Variants in ANKRD26 observed in about 807,000 individuals in gnomAD.
ANKRD26 encodes the protein ankyrin repeat domain-containing protein 26.
ANKRD26 carries 141 observed loss-of-function variants against 208.7 expected under a neutral mutation model. The ratio of observed to expected loss-of-function variants is 0.68; its 90% CI spans 0.59 to 0.78. The LOEUF is 0.78. ANKRD26 is among the 30% of genes least tolerant of loss of function. The probability of loss-of-function intolerance (pLI) is 0.00; values close to 1 mark genes in which losing one functional copy is unlikely to be tolerated. For missense variants in ANKRD26, 1,889 were observed against 1,938.7 expected, an observed-to-expected ratio of 0.97 and a Z score of 0.48; for synonymous variants, 636 against 660.4, an observed-to-expected ratio of 0.96 and a Z score of 0.57.
intron 9 of ANKRD26, among the ~76,000 whole-genome samples, chr10:27,072,665 C>A (rs1341852855): frequency 1.3e-5 from 2 of 152,176 alleles, no homozygotes; most frequent in African/African-American, 2.4e-5. Context: ...TAAAACTCAA[C>A]AAGCACAGCC....
chr10:27,062,790 C>T (rs369477982), intron 12 of ANKRD26, among the ~76,000 whole-genome samples: 260 of 144,880 alleles, frequency 1.8e-3, no homozygotes, highest in African/African-American at 6.6e-3. Context: ...TTTTTTGAGA[C>T]AGAATCTTGC....
intron 12 of ANKRD26, among the ~76,000 whole-genome samples, chr10:27,063,151 T>C (rs1344740945): frequency 2.0e-5 from 3 of 152,178 alleles, no homozygotes; most frequent in Admixed American, 2.0e-4. Flanking sequence ...GTGCCATAGA[T>C]GGTCCAGTAC....
chr10:26,955,483 A>T, the ANKRD26 span, among the ~76,000 whole-genome samples: 2 of 152,068 alleles, frequency 1.3e-5, no homozygotes, highest in Non-Finnish European at 2.9e-5. Flanking sequence ...ATATGTGTAT[A>T]TATGTGTGTG....
intron 3 of ANKRD26, among the ~76,000 whole-genome samples, chr10:26,985,899 G>C (rs1446742379): frequency 6.6e-6 from 1 of 152,130 alleles, no homozygotes; most frequent in African/African-American, 2.4e-5. Context: ...AGCTACCAAT[G>C]ACTTTCTTCA....
rs959270997 is a variant in ANKRD26 at position 27,022,435 on chromosome 10, TTATTAGTATCAA to T, written c.4215+111_4215+122del. ...ACTTAAAAGTTTAAAAAAAGTTTTT[TTATTAGTATCAA>T]GTCCCTAAAGTTAAAAAAAAAAATC... On this transcript the variant is annotated intron_variant, in intron 29 of 33. Coordinates refer to ENST00000376087, the MANE Select transcript of ANKRD26 (RefSeq NM_014915.3). 3.8e-5 allele frequency: 28 copies of T among 746,364 alleles called. No homozygotes were observed. In the African/African-American group the frequency reaches 4.5e-4, roughly 12 times the overall value. 46.2% of individuals were successfully genotyped at this position (746,364 alleles called of 1,614,324 possible). A position where few individuals can be genotyped will look rare whatever the true frequency, so the allele number is the denominator to read the frequency against.
chr10:27,048,605 T>C (rs1457303592), intron 17 of ANKRD26, among the ~76,000 whole-genome samples, 196 bp downstream of exon 17: 1 of 152,206 alleles, frequency 6.6e-6, no homozygotes, highest in Non-Finnish European at 1.5e-5. Flanking sequence ...GTATTATTTT[T>C]TAAATAAAAT....
the ANKRD26 span, among the ~76,000 whole-genome samples, chr10:26,951,560 A>C: frequency 5.0e-4 from 76 of 152,296 alleles, no homozygotes; most frequent in Non-Finnish European, 7.9e-4. Flanking sequence ...TATATAGTAC[A>C]CAGGACAGTT....
intron 6 of ANKRD26, 128 bp from the exon 7 acceptor site, chr10:27,079,289 T>G (rs2055816668): frequency 1.4e-6 from 1 of 726,396 alleles, no homozygotes; most frequent in Admixed American, 2.5e-5. Context: ...GTCAACTGTC[T>G]GCATATTAAA....
At chr10:26,966,518 G>A in the ANKRD26 span, among the ~76,000 whole-genome samples, 1 of 152,096 alleles carries the variant, frequency 6.6e-6, no homozygotes, top group African/African-American at 2.4e-5. Flanking sequence ...TAGAGGATGG[G>A]TCAATAGGTG....
chr10:26,995,097 A>C (rs1214943983), exon 5 of ANKRD26: 1 of 471,168 alleles, frequency 2.1e-6, no homozygotes, highest in Non-Finnish European at 4.4e-6. Flanking sequence ...TGGAAGTGAG[A>C]CATTGGTCAG....
At chr10:27,014,278 G>T (rs976578373) in intron 31 of ANKRD26, among the ~76,000 whole-genome samples, 7 of 150,160 alleles carry the variant, frequency 4.7e-5, no homozygotes, top group African/African-American at 1.7e-4. Flanking sequence ...GAATATTAAC[G>T]GAAAAGCCAT....
intron 4 of ANKRD26, among the ~76,000 whole-genome samples, chr10:27,091,644 A>G (rs1386182777): frequency 6.6e-6 from 1 of 152,234 alleles, no homozygotes; most frequent in Non-Finnish European, 1.5e-5. Flanking sequence ...GGAAAAGTAC[A>G]TAAGCAGAGG....
intron 4 of ANKRD26, among the ~76,000 whole-genome samples, chr10:27,087,509 T>C (rs924337246): frequency 6.6e-6 from 1 of 152,274 alleles, no homozygotes; most frequent in African/African-American, 2.4e-5. Flanking sequence ...TTTTGGTTAT[T>C]AGTTATTCTA....
At chr10:27,029,409 G>A in intron 25 of ANKRD26, 53 bp from the exon 26 acceptor site, 1 of 1,528,522 alleles carries the variant, frequency 6.5e-7, no homozygotes, top group Non-Finnish European at 9.0e-7. Flanking sequence ...GTACACATCT[G>A]TCCATTACCT....
chr10:27,034,437 T>C (rs2053977247), intron 24 of ANKRD26, among the ~76,000 whole-genome samples: 1 of 152,242 alleles, frequency 6.6e-6, no homozygotes, highest in Non-Finnish European at 1.5e-5. Context: ...GGTATAAGCA[T>C]TTCCATTTAT....
At chr10:26,956,173 TTATC>T in the ANKRD26 span, among the ~76,000 whole-genome samples, 1 of 152,144 alleles carries the variant, frequency 6.6e-6, no homozygotes, top group South Asian at 2.1e-4. Context: ...TACATATCCT[TTATC>T]TAATGGTTTA....
At position 27,024,554 on chromosome 10, in the gene ANKRD26, T is replaced by C; in HGVS notation, c.3978A>G (p.Glu1326=). 1 of 1,527,388 alleles carries C rather than the reference T, an allele frequency of 6.5e-7. No individual in the cohort carries two copies. The highest frequency in any genetic ancestry group is 9.1e-7 in the Non-Finnish European group (1 of 1,104,474). 94.6% of individuals were successfully genotyped at this position (1,527,388 alleles called of 1,614,324 possible). A position where few individuals can be genotyped will look rare whatever the true frequency, so the allele number is the denominator to read the frequency against. Residue 1326 remains glutamate, a synonymous_variant, in exon 28 of 34, where the codon GAA becomes GAG. Coordinates refer to ENST00000376087, the MANE Select transcript of ANKRD26 (RefSeq NM_014915.3). ...QKNLLNANLS[E]DEKEQLKKLM... is the part of the protein sequence containing the mutation. ...GTTTCTTTAATTGTTCCTTTTCATC[T>C]TCAGACTTTGAAACAAAATATTTTC...
chr10:26,987,666 A>T (rs1589168687), downstream of ANKRD26, among the ~76,000 whole-genome samples: 1 of 152,318 alleles, frequency 6.6e-6, no homozygotes, highest in South Asian at 2.1e-4. Flanking sequence ...GCCCAGGAAC[A>T]GAGTAGCAGG....
At chr10:26,973,371 T>C (rs889979467), downstream of ANKRD26, among the ~76,000 whole-genome samples, 1 of 152,062 alleles carries the variant, frequency 6.6e-6, no homozygotes, top group African/African-American at 2.4e-5. Flanking sequence ...TCCCTAATGA[T>C]GCTTTCTTTA....
Sources: gnomAD v4.1 joint callset for allele counts (sites outside exome capture counted in the v4.1 genomes callset) on GRCh38, gnomAD v4.1.1 for gene constraint, MANE v1.5 for transcripts, NCBI Gene and HGNC (gene_info 2026-07-23, HGNC 2026-07-21) for gene names.